Variants in CSMD2 observed in about 807,000 individuals in gnomAD.
CSMD2 encodes CUB and Sushi multiple domains 2.
Under a neutral mutation model 398.5 loss-of-function variants are expected in CSMD2, and 130 were observed. That is an observed-to-expected ratio of 0.33 (90% CI 0.28 to 0.38). The LOEUF is 0.38. Ranked by LOEUF, CSMD2 falls within the 10% of genes least tolerant of loss-of-function variation. CSMD2 has a pLI of 1.00. For missense variants in CSMD2, 3,829 were observed against 4,764.9 expected (o/e 0.80, Z 5.78); for synonymous variants, 1,828 against 1,908.5 (o/e 0.96, Z 1.10).
chr1:34,165,200 C>G lies in CSMD2; in HGVS notation c.-103G>C, dbSNP rs1641773706. 1.7e-6 allele frequency: 2 copies of G among 1,162,798 alleles called. No individual in the cohort carries two copies. Among genetic ancestry groups the G allele is most frequent in the Non-Finnish European group, 2.1e-6 (2 of 944,084 alleles). The allele number at this position is 1,162,798 out of a possible 1,614,324, so 72.0% of individuals were successfully genotyped here. ...TTTCTGCTCGGAAAAAATCCCGGTACGCGGGAGCCCTGAGCTTCTGCGGCT... is the reference window on the plus strand; with the variant it reads ...TTTCTGCTCGGAAAAAATCCCGGTAGGCGGGAGCCCTGAGCTTCTGCGGCT... On this transcript the variant is annotated 5_prime_UTR_variant, in exon 1 of 71. Transcript: ENST00000373381.
chr1:34,031,765 C>CAAAAA (rs556094322), intron 3 of CSMD2, among the ~76,000 whole-genome samples: 39 of 71,244 alleles, frequency 5.5e-4, no homozygotes, highest in Non-Finnish European at 7.8e-4. Context: ...AAGGCAAAGG[C>CAAAAA]AAAAAAAAAA....
chr1:33,794,489 G>A (rs1654706230), intron 10 of CSMD2, among the ~76,000 whole-genome samples: 2 of 152,206 alleles, frequency 1.3e-5, no homozygotes, highest in South Asian at 4.1e-4. Flanking sequence ...CAGCGGTGTG[G>A]AACAGGATGA....
At chr1:33,998,555 G>C (rs1377283256) in intron 3 of CSMD2, among the ~76,000 whole-genome samples, 1 of 152,136 alleles carries the variant, frequency 6.6e-6, no homozygotes, top group African/African-American at 2.4e-5. Flanking sequence ...CTCACGCAAC[G>C]CTGCTCAGAC....
chr1:33,955,021 G>A (rs1162712028), intron 3 of CSMD2, among the ~76,000 whole-genome samples: 1 of 152,152 alleles, frequency 6.6e-6, no homozygotes, highest in African/African-American at 2.4e-5. Context: ...TTAAAAGGAG[G>A]AGGAGGTCAA....
intron 6 of CSMD2, among the ~76,000 whole-genome samples, chr1:33,830,912 T>G (rs1659471070): frequency 6.6e-6 from 1 of 152,150 alleles, no homozygotes; most frequent in Non-Finnish European, 1.5e-5. Flanking sequence ...AGGGTATCAG[T>G]GATGGAAGAT....
At position 33,772,554 on chromosome 1, in the gene CSMD2, T is replaced by A. The variant is rs369867477; in HGVS notation, c.1846+15A>T. On this transcript the variant is annotated intron_variant, in intron 13 of 70. Coordinates refer to ENST00000373381, the MANE Select transcript of CSMD2 (RefSeq NM_001281956.2). ...CAGTGAAGACCCTGGCGTGGCCTCC[T>A]CCCTGCTCACTTACACACGCAGCCT... is the stretch of plus-strand genomic sequence containing the variant. The A allele has an allele frequency of 2.8e-5, 45 of 1,607,516 alleles. No individual in the cohort carries two copies. The highest frequency in any genetic ancestry group is 3.8e-5 in the Non-Finnish European group (45 of 1,175,270).
chr1:33,643,072 G>T (rs1471762262), intron 29 of CSMD2, among the ~76,000 whole-genome samples: 5 of 152,176 alleles, frequency 3.3e-5, no homozygotes, highest in Non-Finnish European at 7.3e-5. Context: ...CAGACTCTCA[G>T]TTTTAGCAGA....
At position 33,668,926 on chromosome 1, in the gene CSMD2, T is replaced by C. The variant is rs372174273; in HGVS notation, c.4053-5834A>G. Reference sequence around the variant, plus strand: ...AGGAGACACCCAAAACATAATAATATGTGCAATAGGTGCTAAAGAGTGGAA... The same window carrying C: ...AGGAGACACCCAAAACATAATAATACGTGCAATAGGTGCTAAAGAGTGGAA... On this transcript the variant is annotated intron_variant, in intron 25 of 70. Transcript: ENST00000373381. Among the ~76,000 whole-genome samples the C allele has an allele frequency of 3.0e-3, 461 of 152,274 alleles. 13 individuals carry two copies. In the South Asian group the frequency reaches 0.051, roughly 17 times the overall value.
rs187609128 is a variant in CSMD2, at chr1:34,022,461, C to T, written c.517+10133G>A. On this transcript the variant is annotated intron_variant, in intron 3 of 70. Transcript: ENST00000373381. ...CTTCAGTGCTCTATTGAGCGTTCTTCCTGTCCAGAAGCACACACAAGAGTA... is the reference window on the plus strand; with the variant it reads ...CTTCAGTGCTCTATTGAGCGTTCTTTCTGTCCAGAAGCACACACAAGAGTA... 4.8e-3 allele frequency among the ~76,000 whole-genome samples: 728 copies of T among 152,276 alleles called. 3 individuals carry two copies. Among genetic ancestry groups the T allele is most frequent in the Non-Finnish European group, 6.6e-3 (452 of 68,042 alleles).
chr1:34,066,947 G>A (rs948431400), intron 2 of CSMD2, among the ~76,000 whole-genome samples: 5 of 152,178 alleles, frequency 3.3e-5, no homozygotes, highest in Non-Finnish European at 2.9e-5. Flanking sequence ...AAGCAATTCT[G>A]CTTGGAAGGG....
chr1:34,110,857 A>C (rs1434701046), intron 1 of CSMD2, among the ~76,000 whole-genome samples: 1 of 152,186 alleles, frequency 6.6e-6, no homozygotes, highest in African/African-American at 2.4e-5. Context: ...TGGGTTGACT[A>C]TATAACAAAC....
Position 33,611,048 on chromosome 1 carries a change from C to T in CSMD2, c.6336G>A (p.Glu2112=), listed in dbSNP as rs1640965991. Residue 2112 remains glutamate (E), a synonymous_variant, in exon 41 of 71, where the codon GAG becomes GAA. Coordinates refer to ENST00000373381, the MANE Select transcript of CSMD2 (RefSeq NM_001281956.2). ...HSQNRPGFKL[E]YQAYELQECP... ...GGTGCTCCTTGTCCTTACCCTGATA[C>T]TCCAGCTTGAATCCTGGCCGATTCT... The T allele has an allele frequency of 1.9e-6, 3 of 1,613,652 alleles. No homozygotes were observed. The highest frequency in any genetic ancestry group is 1.7e-5 in the Admixed American group (1 of 60,000).
At chr1:33,549,641 G>C (rs1025690853) in intron 56 of CSMD2, among the ~76,000 whole-genome samples, 1 of 152,224 alleles carries the variant, frequency 6.6e-6, no homozygotes, top group African/African-American at 2.4e-5. Flanking sequence ...TTTCAAGGCA[G>C]TAGAGAAGAA....
At chr1:34,010,763 C>T (rs903344428) in intron 3 of CSMD2, among the ~76,000 whole-genome samples, 2 of 152,158 alleles carry the variant, frequency 1.3e-5, no homozygotes, top group African/African-American at 4.8e-5. Flanking sequence ...GGACTACAGG[C>T]GCCTGCCACC....
At chr1:33,604,108 GGAA>G (rs1311733859) in intron 42 of CSMD2, among the ~76,000 whole-genome samples, 6 of 152,196 alleles carry the variant, frequency 3.9e-5, no homozygotes, top group African/African-American at 1.4e-4. Flanking sequence ...CTTCTGAGGA[GGAA>G]GAACAGCTTC....
intron 29 of CSMD2, 86 bp downstream of exon 29, chr1:33,646,562 G>A (rs541658454): frequency 2.1e-6 from 3 of 1,435,030 alleles, no homozygotes; most frequent in African/African-American, 1.4e-5. Context: ...GTCCAGCCCA[G>A]GGCTCTCCTC....
At chr1:34,070,304 GTT>G (rs1655581793) in intron 2 of CSMD2, among the ~76,000 whole-genome samples, 1 of 152,144 alleles carries the variant, frequency 6.6e-6, no homozygotes, top group African/African-American at 2.4e-5. Flanking sequence ...TCTCTGGTAG[GTT>G]TCCTCTCATC....
In CSMD2 at chr1:33,714,552, T is replaced by C. The variant is rs1571317113; in HGVS notation, c.3406+35A>G. ...ATTGACTATAATCTGTCCCACCCCA[T>C]TAGTGAAGCAAAATGAAAGCACGTG... On this transcript the variant is annotated intron_variant, in intron 21 of 70. Transcript: ENST00000373381. The C allele has an allele frequency of 3.1e-6, 5 of 1,606,258 alleles. No individual in the cohort carries two copies. The East Asian group carries it at 8.9e-5, about 29-fold the overall frequency.
chr1:33,658,147 G>A lies in CSMD2; in HGVS notation c.4256-10C>T. 1 of 1,608,500 alleles carries A rather than the reference G, an allele frequency of 6.2e-7. No homozygotes were observed. The highest frequency in any genetic ancestry group is 8.5e-7 in the Non-Finnish European group (1 of 1,175,380). On this transcript the variant is annotated splice_polypyrimidine_tract_variant and intron_variant, in intron 26 of 70. Transcript: ENST00000373381. The stretch of plus-strand genomic sequence containing the variant: ...GACGTTGCTGTGGACACTGGGGCAA[G>A]GAAATAGAAGAGAGGGTAAGGTCGC...
Sources: gnomAD v4.1 joint callset for allele counts (sites outside exome capture counted in the v4.1 genomes callset) on GRCh38, gnomAD v4.1.1 for gene constraint, MANE v1.5 for transcripts, NCBI Gene and HGNC (gene_info 2026-07-23, HGNC 2026-07-21) for gene names.